BCL2L11: variants seen among roughly 807,000 people sequenced by gnomAD.
BCL2L11 encodes the protein BCL2 like 11.
BCL2L11 carries 15 observed loss-of-function variants against 20.6 expected under a neutral mutation model. That is an observed-to-expected ratio of 0.73 (90% confidence interval 0.49 to 1.12). The LOEUF is 1.12. Ranked by LOEUF, BCL2L11 falls within the 50% of genes most tolerant of loss-of-function variation. BCL2L11 has a pLI of 0.00. For synonymous variants in BCL2L11, 108 were observed against 92.8 expected (o/e 1.16, Z -0.94); for missense variants, 292 against 260.9 (o/e 1.12, Z -0.82).
At chr2:111,143,664 G>C (rs1575082351) in intron 2 of BCL2L11, among the ~76,000 whole-genome samples, 1 of 152,168 alleles carries the variant, frequency 6.6e-6, no homozygotes, top group Non-Finnish European at 1.5e-5. Flanking sequence ...TCCTGCTCAG[G>C]TCTCCCACAT....
chr2:111,151,974 C>A, intron 3 of BCL2L11: 1 of 1,256,764 alleles, frequency 8.0e-7, no homozygotes, highest in Non-Finnish European at 1.1e-6. Context: ...CCTTGGTTTA[C>A]CTAAAGGGAT....
chr2:111,141,020 G>A (rs1372452333), intron 2 of BCL2L11, among the ~76,000 whole-genome samples: 2 of 152,188 alleles, frequency 1.3e-5, no homozygotes, highest in Non-Finnish European at 2.9e-5. Context: ...TGTGAGGTGT[G>A]GAGTAGGAGG....
rs1234184664 is a variant in BCL2L11 at position 111,167,046 on chromosome 2, G to T, written c.*2815G>T. ...TAAATATTGTAGATTCTTTTTCTGT[G>T]TGATGTGTCCTACTGTTTCATAATG... is the stretch of plus-strand genomic sequence containing the variant. On this transcript the variant is annotated 3_prime_UTR_variant, in exon 4 of 4. Transcript: ENST00000393256. 1 of 152,458 alleles carries T rather than the reference G, an allele frequency of 6.6e-6. No individual in the cohort carries two copies. Among genetic ancestry groups the T allele is most frequent in the Non-Finnish European group, 1.5e-5 (1 of 67,988 alleles). 9.4% of individuals were successfully genotyped at this position (152,458 alleles called of 1,614,324 possible).
intron 1 of BCL2L11, among the ~76,000 whole-genome samples, chr2:111,122,159 TGGA>T (rs1283820141): frequency 1.3e-5 from 2 of 152,116 alleles, no homozygotes; most frequent in Non-Finnish European, 2.9e-5. Flanking sequence ...AGGAAGTTGT[TGGA>T]GGAGAATAGT....
chr2:111,151,883 G>C (rs190520877), intron 3 of BCL2L11: 1 of 1,548,268 alleles, frequency 6.5e-7, no homozygotes, highest in East Asian at 2.4e-5. Context: ...TTCCAGCCTA[G>C]ATCTGAAATG....
chr2:111,159,844 C>A (rs1053524169), intron 3 of BCL2L11, among the ~76,000 whole-genome samples: 4 of 152,152 alleles, frequency 2.6e-5, no homozygotes, highest in Non-Finnish European at 4.4e-5. Flanking sequence ...GAGCTTGTGC[C>A]ATCTGGTGTC....
At chr2:111,160,314 C>T (rs1265040569) in intron 3 of BCL2L11, among the ~76,000 whole-genome samples, 2 of 152,144 alleles carry the variant, frequency 1.3e-5, no homozygotes, top group African/African-American at 4.8e-5. Context: ...CTGTATTGTC[C>T]TTACTTTATT....
intron 2 of BCL2L11, among the ~76,000 whole-genome samples, chr2:111,133,144 G>A (rs1052820280): frequency 2.6e-5 from 4 of 152,110 alleles, no homozygotes; most frequent in African/African-American, 9.7e-5. Flanking sequence ...GGAGAACTCA[G>A]AAAGGTAAAT....
At chr2:111,158,900 G>T (rs552296897) in intron 3 of BCL2L11, among the ~76,000 whole-genome samples, 1 of 151,958 alleles carries the variant, frequency 6.6e-6, no homozygotes, top group Admixed American at 6.6e-5. Context: ...ACACATTTGC[G>T]CTTTCTTAAT....
chr2:111,124,114 C>G lies in BCL2L11; in HGVS notation c.369C>G (p.Ala123=). The change falls in exon 2 of 4, where the codon GCC becomes GCG. Residue 123 remains alanine (A), a synonymous_variant. Coordinates refer to ENST00000393256, the MANE Select transcript of BCL2L11 (RefSeq NM_138621.5). Reference sequence around the variant, plus strand: ...AAACCCCAAGTCCTCCTTGCCAGGCCTTCAACCACTATCTCAGTGCAATGG... The same window carrying G: ...AAACCCCAAGTCCTCCTTGCCAGGCGTTCAACCACTATCTCAGTGCAATGG... ...STQTPSPPCQ[A]FNHYLSAMAS... 1 of 1,612,330 alleles carries G rather than the reference C, an allele frequency of 6.2e-7. No homozygotes were observed. Among genetic ancestry groups the G allele is most frequent in the Non-Finnish European group, 8.5e-7 (1 of 1,179,292 alleles).
Position 111,123,735 on chromosome 2 carries a change from A to G in BCL2L11, c.-11A>G. 7.2e-7 allele frequency: 1 copy of G among 1,389,190 alleles called. No individual in the cohort carries two copies. Among genetic ancestry groups the G allele is most frequent in the Non-Finnish European group, 9.4e-7 (1 of 1,064,570 alleles). 86.1% of individuals were successfully genotyped at this position (1,389,190 alleles called of 1,614,324 possible). On this transcript the variant is annotated splice_region_variant and 5_prime_UTR_variant, in exon 2 of 4. Transcript: ENST00000393256. The stretch of plus-strand genomic sequence containing the variant: ...CTTAGTTTTTATTTTACTTGCAGAA[A>G]AAAAGACCAAATGGCAAAGCAACCT...
intron 2 of BCL2L11, among the ~76,000 whole-genome samples, chr2:111,130,861 TATG>T (rs1464491852): frequency 1.3e-5 from 2 of 152,242 alleles, no homozygotes; most frequent in African/African-American, 4.8e-5. Flanking sequence ...TACCAGTTGA[TATG>T]ATCCCATGAT....
At chr2:111,129,747 G>A (rs2073507855) in intron 2 of BCL2L11, among the ~76,000 whole-genome samples, 1 of 152,114 alleles carries the variant, frequency 6.6e-6, no homozygotes, top group Non-Finnish European at 1.5e-5. Context: ...ATTTCTCATG[G>A]TACCTTTTTA....
chr2:111,130,471 TC>T (rs1179943403), intron 2 of BCL2L11, among the ~76,000 whole-genome samples: 1 of 152,258 alleles, frequency 6.6e-6, no homozygotes, highest in Non-Finnish European at 1.5e-5. Context: ...GTGTTGGTCT[TC>T]TGTTGTGCAG....
intron 2 of BCL2L11, among the ~76,000 whole-genome samples, chr2:111,149,038 G>T (rs1248104400): frequency 3.3e-5 from 5 of 152,158 alleles, no homozygotes; most frequent in African/African-American, 1.2e-4. Context: ...TGAGTACGGT[G>T]TGCCCATTTT....
At chr2:111,147,494 A>T (rs2076714135) in intron 2 of BCL2L11, among the ~76,000 whole-genome samples, 1 of 152,234 alleles carries the variant, frequency 6.6e-6, no homozygotes. Context: ...TACAAGAAAC[A>T]GGCCATTCGT....
At chr2:111,138,233 T>C (rs1165152061) in intron 2 of BCL2L11, among the ~76,000 whole-genome samples, 3 of 152,088 alleles carry the variant, frequency 2.0e-5, no homozygotes, top group Non-Finnish European at 4.4e-5. Flanking sequence ...GGTCTCGAAC[T>C]CCTGACCTGA....
At chr2:111,139,260 T>A (rs2075413527) in intron 2 of BCL2L11, among the ~76,000 whole-genome samples, 1 of 152,056 alleles carries the variant, frequency 6.6e-6, no homozygotes, top group Non-Finnish European at 1.5e-5. Flanking sequence ...TGGAGAGACA[T>A]CTGGAAACCT....
At position 111,121,185 on chromosome 2, in the gene BCL2L11, C is replaced by T. The variant is rs1476130950; in HGVS notation, c.-17C>T. On this transcript the variant is annotated 5_prime_UTR_variant, in exon 1 of 4. Coordinates refer to ENST00000393256, the MANE Select transcript of BCL2L11 (RefSeq NM_138621.5). ...ACTCTGACTCTCGGACTGAGAAACG[C>T]AAGGTAAATACCTCCAAATCCCGGG... is the stretch of plus-strand genomic sequence containing the variant. 8.5e-6 allele frequency: 2 copies of T among 235,460 alleles called. No homozygotes were observed. The highest frequency in any genetic ancestry group is 9.2e-5 in the East Asian group (1 of 10,854). 14.6% of individuals were successfully genotyped at this position (235,460 alleles called of 1,614,324 possible).
Sources: gnomAD v4.1 joint callset for allele counts (sites outside exome capture counted in the v4.1 genomes callset) on GRCh38, gnomAD v4.1.1 for gene constraint, MANE v1.5 for transcripts, NCBI Gene and HGNC (gene_info 2026-07-23, HGNC 2026-07-21) for gene names.